The following PDE3B variants were observed in gnomAD, a reference collection of about 807,000 sequenced individuals.
PDE3B encodes the protein phosphodiesterase 3B.
In PDE3B, 66 loss-of-function variants were observed where a neutral mutation model predicts 116.8. The observed-to-expected ratio is 0.56, with a 90% CI of 0.46 to 0.69. The LOEUF is 0.69. PDE3B is among the 30% of genes least tolerant of loss of function. PDE3B has a pLI of 0.00. For missense variants in PDE3B, 1,384 were observed against 1,368.1 expected (o/e 1.01, Z -0.18); for synonymous variants, 595 against 533.6 (o/e 1.12, Z -1.59).
chr11:14,759,837 G>A (rs916362359), intron 1 of PDE3B, among the ~76,000 whole-genome samples: 5 of 152,048 alleles, frequency 3.3e-5, no homozygotes, highest in Non-Finnish European at 4.4e-5. Context: ...GTGAGCCACC[G>A]TGCCCGGCTA....
chr11:14,659,695 C>T lies in PDE3B; in HGVS notation c.978+14642C>T, dbSNP rs115914531. ...CCCCAGTGTGTGCTGTTCCTCCCTACGTGGTCATGTGTTCTCATCAAGTAC... is the reference window on the plus strand; with the variant it reads ...CCCCAGTGTGTGCTGTTCCTCCCTATGTGGTCATGTGTTCTCATCAAGTAC... On this transcript the variant is annotated intron_variant, in intron 1 of 15. Transcript: ENST00000282096. 2.4e-3 allele frequency among the ~76,000 whole-genome samples: 359 copies of T among 152,268 alleles called. 1 individual carries two copies. The highest frequency in any genetic ancestry group is 8.1e-3 in the African/African-American group (338 of 41,548).
At chr11:14,682,264 C>T (rs536233357) in intron 1 of PDE3B, among the ~76,000 whole-genome samples, 10 of 152,172 alleles carry the variant, frequency 6.6e-5, no homozygotes, top group South Asian at 2.1e-4. Flanking sequence ...GTTCAAGGGT[C>T]GACTGTAAAT....
At chr11:14,804,104 GTGTAAACACTTT>G in intron 5 of PDE3B, 54 bp downstream of exon 5, 1 of 898,232 alleles carries the variant, frequency 1.1e-6, no homozygotes, top group Non-Finnish European at 1.8e-6. Flanking sequence ...GTATATGGTA[GTGTAAACACTTT>G]TCATCACATA....
In PDE3B at chr11:14,644,873, C is replaced by A; in HGVS notation, c.798C>A (p.Phe266Leu). The change falls in exon 1 of 16, where the codon TTC (phenylalanine) becomes TTA (leucine). Residue 266 changes from phenylalanine to leucine, a missense_variant. Coordinates refer to ENST00000282096, the MANE Select transcript of PDE3B (RefSeq NM_000922.4). ...GCLLALGLDH[F>L]FQIREAPLHP... ...TGCTGGCCCTGGGGTTGGATCACTT[C>A]TTTCAAATCAGGGAAGCGCCTCTTC... is the stretch of plus-strand genomic sequence containing the variant. 6.2e-7 allele frequency: 1 copy of A among 1,614,012 alleles called. No individual in the cohort carries two copies. Among genetic ancestry groups the A allele is most frequent in the Non-Finnish European group, 8.5e-7 (1 of 1,179,966 alleles).
At chr11:14,691,430 T>C (rs773967512) in intron 1 of PDE3B, among the ~76,000 whole-genome samples, 27 of 152,186 alleles carry the variant, frequency 1.8e-4, no homozygotes, top group Admixed American at 2.6e-4. Context: ...CTTAGAGATA[T>C]TATCAAGTAT....
chr11:14,787,840 G>A (rs933958635), intron 3 of PDE3B, among the ~76,000 whole-genome samples: 2 of 151,762 alleles, frequency 1.3e-5, no homozygotes, highest in East Asian at 3.9e-4. Flanking sequence ...CACTCTATAT[G>A]TTACTCTTTC....
chr11:14,769,779 C>A (rs1857588294), intron 1 of PDE3B, among the ~76,000 whole-genome samples: 1 of 148,146 alleles, frequency 6.8e-6, no homozygotes, highest in Non-Finnish European at 1.5e-5. Flanking sequence ...GGCTACGAAC[C>A]ATTTTAATTT....
intron 2 of PDE3B, among the ~76,000 whole-genome samples, chr11:14,786,091 C>T (rs1244781092): frequency 6.6e-6 from 1 of 152,016 alleles, no homozygotes; most frequent in Non-Finnish European, 1.5e-5. Context: ...AACCTTGTCA[C>T]TGTGTTAGAC....
intron 1 of PDE3B, among the ~76,000 whole-genome samples, chr11:14,734,311 G>A (rs972224426): frequency 7.2e-5 from 11 of 152,168 alleles, no homozygotes; most frequent in Non-Finnish European, 1.2e-4. Flanking sequence ...GGGCTCAAGC[G>A]CCTCCAGCCT....
At chr11:14,878,289 G>T in the PDE3B span, 1 of 1,612,808 alleles carries the variant, frequency 6.2e-7, no homozygotes, top group Admixed American at 1.7e-5. Flanking sequence ...CCAAGACAAT[G>T]TCTTCTTCCT....
At chr11:14,673,811 A>T in intron 1 of PDE3B, 1 of 902,114 alleles carries the variant, frequency 1.1e-6, no homozygotes, top group Non-Finnish European at 1.9e-6. Flanking sequence ...CCTTGGGGTG[A>T]TCTGCAAGAA....
At chr11:14,759,946 G>T (rs1490621612) in intron 1 of PDE3B, among the ~76,000 whole-genome samples, 2 of 152,114 alleles carry the variant, frequency 1.3e-5, no homozygotes, top group African/African-American at 2.4e-5. Flanking sequence ...TTTATCAGTT[G>T]AAAATTCATT....
intron 1 of PDE3B, among the ~76,000 whole-genome samples, chr11:14,694,765 A>G (rs1855153988): frequency 6.6e-6 from 1 of 152,114 alleles, no homozygotes. Context: ...GTATGCTTGC[A>G]TTTCTTGTCT....
intron 1 of PDE3B, among the ~76,000 whole-genome samples, chr11:14,707,848 A>G (rs1251213827): frequency 2.0e-5 from 3 of 152,096 alleles, no homozygotes. Context: ...TGGTCAAAAC[A>G]TAAATAGTAT....
At chr11:14,828,745 A>G (rs969772298) in intron 7 of PDE3B, among the ~76,000 whole-genome samples, 1 of 152,182 alleles carries the variant, frequency 6.6e-6, no homozygotes, top group Non-Finnish European at 1.5e-5. Flanking sequence ...TGTGGTAGAC[A>G]GTGTGGTGAT....
chr11:14,884,627 C>T, the PDE3B span, among the ~76,000 whole-genome samples: 1 of 151,590 alleles, frequency 6.6e-6, no homozygotes. Flanking sequence ...CACATGTATA[C>T]ATATGTAACT....
chr11:14,860,918 T>TAC (rs1164722599), intron 13 of PDE3B, among the ~76,000 whole-genome samples: 5 of 114,028 alleles, frequency 4.4e-5, no homozygotes, highest in South Asian at 3.1e-4. Context: ...TATATATATA[T>TAC]ATACACACAC....
chr11:14,684,362 T>G (rs1854802742), intron 1 of PDE3B, among the ~76,000 whole-genome samples: 1 of 152,074 alleles, frequency 6.6e-6, no homozygotes, highest in Non-Finnish European at 1.5e-5. Context: ...GCAGGTTGTA[T>G]TAAGATTTCA....
rs183888777 is a variant in PDE3B, at chr11:14,685,239, C to T, written c.978+40186C>T. On this transcript the variant is annotated intron_variant, in intron 1 of 15. Transcript: ENST00000282096. ...AATGAAATCTTCACAATTTATGTTC[C>T]TCTGCCGCAGCTCCAGCCGGTCCCT... Among the ~76,000 whole-genome samples the T allele has an allele frequency of 5.3e-5, 8 of 152,076 alleles. No individual in the cohort carries two copies. The East Asian group carries it at 1.5e-3, about 29-fold the overall frequency.
Sources: allele counts gnomAD v4.1 joint callset (sites outside exome capture counted in the v4.1 genomes callset), GRCh38; gene constraint gnomAD v4.1.1; transcripts MANE v1.5; gene names NCBI Gene and HGNC (gene_info 2026-07-23, HGNC 2026-07-21).